Variants in RORA observed in about 807,000 individuals in gnomAD.
The protein encoded by RORA is RAR related orphan receptor A.
RORA carries 7 observed loss-of-function variants against 69.5 expected under a neutral mutation model. The observed-to-expected ratio is 0.10, with a 90% CI of 0.06 to 0.19. The LOEUF (loss-of-function observed/expected upper bound fraction) is 0.19, where lower values mean the gene tolerates loss of function less well. Ranked by LOEUF, RORA falls within the 10% of genes least tolerant of loss-of-function variation. The pLI, the probability that RORA is intolerant of heterozygous loss-of-function variation, is 1.00. For missense variants in RORA, 457 were observed against 663.0 expected, an observed-to-expected ratio of 0.69 and a Z score of 3.41; for synonymous variants, 261 against 240.8, an observed-to-expected ratio of 1.08 and a Z score of -0.78.
At chr15:60,745,107 G>C (rs1426262804) in intron 1 of RORA, among the ~76,000 whole-genome samples, 1 of 152,208 alleles carries the variant, frequency 6.6e-6, no homozygotes, top group African/African-American at 2.4e-5. Context: ...ATTCATGCTG[G>C]CTGAAGTTCT....
At chr15:61,117,263 TCTG>T (rs763254625) in intron 1 of RORA, among the ~76,000 whole-genome samples, 2 of 151,644 alleles carry the variant, frequency 1.3e-5, no homozygotes, top group Non-Finnish European at 2.9e-5. Context: ...GCACAAAGAT[TCTG>T]CTAATGTTAG....
chr15:61,004,103 G>T (rs1490876743), intron 1 of RORA, among the ~76,000 whole-genome samples: 1 of 152,200 alleles, frequency 6.6e-6, no homozygotes, highest in Non-Finnish European at 1.5e-5. Context: ...GAGTGAAGGG[G>T]AGTCAGACAA....
At chr15:60,894,842 G>A (rs1199821487) in intron 1 of RORA, among the ~76,000 whole-genome samples, 1 of 152,138 alleles carries the variant, frequency 6.6e-6, no homozygotes, top group Non-Finnish European at 1.5e-5. Flanking sequence ...AAGCAAGAAT[G>A]TGAGGTGCAA....
At chr15:61,021,773 C>T (rs925730067) in intron 1 of RORA, among the ~76,000 whole-genome samples, 6 of 152,334 alleles carry the variant, frequency 3.9e-5, no homozygotes, top group Non-Finnish European at 8.8e-5. Context: ...CACGGAAGCA[C>T]TATCAATAAT....
chr15:60,892,640 AG>A (rs1425372084), intron 1 of RORA, among the ~76,000 whole-genome samples: 5 of 152,238 alleles, frequency 3.3e-5, no homozygotes, highest in African/African-American at 1.2e-4. Context: ...AGGGAGGAAA[AG>A]TAGAGGAAGT....
intron 2 of RORA, among the ~76,000 whole-genome samples, chr15:60,561,080 T>TG (rs1555431322): frequency 0.018 from 2,404 of 131,624 alleles, 30 homozygotes; most frequent in Non-Finnish European, 0.026. Context: ...TGTTTTGTTT[T>TG]TGTTTTTTTT....
At chr15:60,775,641 G>T (rs554830215) in intron 1 of RORA, among the ~76,000 whole-genome samples, 1 of 151,926 alleles carries the variant, frequency 6.6e-6, no homozygotes, top group Non-Finnish European at 1.5e-5. Flanking sequence ...GCACACACAC[G>T]CACAATTCAT....
chr15:60,590,175 A>ATC lies in RORA; in HGVS notation c.197-58326_197-58325dup, dbSNP rs56192812. On this transcript the variant is annotated intron_variant, in intron 2 of 10. Transcript: ENST00000335670. ...ATGCATTCTCTCTCCCTCTTCCTCT[A>ATC]TCTCTCTCTCTCTCTCTCTCTCTCT... Among the ~76,000 whole-genome samples the ATC allele has an allele frequency of 6.1e-3, 898 of 146,658 alleles. 4 individuals are homozygous for ATC. Among genetic ancestry groups the ATC allele is most frequent in the Non-Finnish European group, 8.1e-3 (547 of 67,118 alleles).
chr15:60,672,038 G>A (rs1596113766), intron 2 of RORA, among the ~76,000 whole-genome samples: 2 of 152,146 alleles, frequency 1.3e-5, no homozygotes, highest in South Asian at 2.1e-4. Context: ...AGTGAGCCAC[G>A]CGCATGCCAC....
intron 3 of RORA, among the ~76,000 whole-genome samples, chr15:60,526,490 TA>T (rs1160208620): frequency 6.6e-6 from 1 of 151,482 alleles, no homozygotes; most frequent in Non-Finnish European, 1.5e-5. Context: ...AACAAACAAA[TA>T]AAAAAAAATC....
intron 1 of RORA, among the ~76,000 whole-genome samples, chr15:60,757,062 G>T (rs1306718806): frequency 6.6e-6 from 1 of 151,992 alleles, no homozygotes; most frequent in Non-Finnish European, 1.5e-5. Context: ...ATTTCATTTT[G>T]CATTACATGC....
chr15:60,598,687 T>C (rs1253985665), intron 2 of RORA, among the ~76,000 whole-genome samples: 1 of 152,232 alleles, frequency 6.6e-6, no homozygotes, highest in Non-Finnish European at 1.5e-5. Context: ...AGTTAAGTTA[T>C]GGGGGATTCA....
At chr15:60,767,223 C>A (rs772314132) in intron 1 of RORA, among the ~76,000 whole-genome samples, 10 of 152,126 alleles carry the variant, frequency 6.6e-5, no homozygotes, top group Non-Finnish European at 1.2e-4. Flanking sequence ...GGAACAGTTA[C>A]CATTAAGGAC....
At chr15:60,843,296 G>C (rs1377728002) in intron 1 of RORA, among the ~76,000 whole-genome samples, 1 of 152,188 alleles carries the variant, frequency 6.6e-6, no homozygotes, top group Non-Finnish European at 1.5e-5. Context: ...AAAGAGTCAA[G>C]GCAGAATCAG....
chr15:60,943,917 A>AAAAAAAAAAAAAAAAAAAAAAAAAAC (rs1892782971), intron 1 of RORA, among the ~76,000 whole-genome samples: 1 of 33,260 alleles, frequency 3.0e-5, no homozygotes, highest in Non-Finnish European at 5.4e-5. Context: ...CTCCATCTCC[A>AAAAAAAAAAAAAAAAAAAAAAAAAAC]AAAAAAAAAA....
At chr15:60,659,005 C>T (rs1221575446) in intron 2 of RORA, among the ~76,000 whole-genome samples, 8 of 152,228 alleles carry the variant, frequency 5.3e-5, no homozygotes, top group Middle Eastern at 3.4e-3. Flanking sequence ...TCTGTGTAAG[C>T]CCGAGGAGGA....
rs541641334 is a variant in RORA, at chr15:60,789,136, G to A, written c.167-110450C>T. 2.0e-5 allele frequency among the ~76,000 whole-genome samples: 3 copies of A among 152,280 alleles called. No homozygotes were observed. In the South Asian group the frequency reaches 6.2e-4, roughly 32 times the overall value. ...AATAGAAGAGTGATTTTTCCTTGAA[G>A]AACAATTATTGATGTTGTCACCAGT... On this transcript the variant is annotated intron_variant, in intron 1 of 10. Coordinates refer to ENST00000335670, the MANE Select transcript of RORA (RefSeq NM_134261.3).
chr15:61,152,937 G>C (rs965515053), intron 1 of RORA, among the ~76,000 whole-genome samples: 1 of 152,172 alleles, frequency 6.6e-6, no homozygotes, highest in South Asian at 2.1e-4. Context: ...ATGGAGGTAC[G>C]GACAAAGCAT....
At chr15:60,682,990 A>C (rs780329530) in intron 1 of RORA, among the ~76,000 whole-genome samples, 3 of 152,164 alleles carry the variant, frequency 2.0e-5, no homozygotes, top group Non-Finnish European at 2.9e-5. Flanking sequence ...TAGTTTTCTT[A>C]TATGCAGAAT....
Sources: allele counts gnomAD v4.1 joint callset (sites outside exome capture counted in the v4.1 genomes callset), GRCh38; gene constraint gnomAD v4.1.1; transcripts MANE v1.5; gene names NCBI Gene and HGNC (gene_info 2026-07-23, HGNC 2026-07-21).